Variants in XKR4 observed in about 807,000 individuals in gnomAD.
XKR4 encodes the protein XK related 4, also known as XK-related protein 4.
In XKR4, 12 loss-of-function variants were observed where a neutral mutation model predicts 53.9. The observed-to-expected ratio is 0.22, with a 90% CI of 0.14 to 0.36. XKR4 has a LOEUF of 0.36. Ranked by LOEUF, XKR4 falls within the 10% of genes least tolerant of loss-of-function variation. XKR4 has a pLI of 1.00. For synonymous variants in XKR4, 354 were observed against 362.4 expected (o/e 0.98, Z 0.26); for missense variants, 799 against 859.5 (o/e 0.93, Z 0.88).
intron 2 of XKR4, among the ~76,000 whole-genome samples, chr8:55,448,988 T>C (rs1805383145): frequency 6.6e-6 from 1 of 152,134 alleles, no homozygotes; most frequent in South Asian, 2.1e-4. Flanking sequence ...ACTCTTCCAG[T>C]AGCCCTAAAA....
intron 1 of XKR4, among the ~76,000 whole-genome samples, chr8:55,112,532 C>T (rs1237693070): frequency 7.6e-6 from 1 of 131,480 alleles, no homozygotes; most frequent in African/African-American, 2.8e-5. Flanking sequence ...ATAAAGATCT[C>T]AGTCTGGGGC....
chr8:55,352,042 G>T (rs1037081699), intron 1 of XKR4, among the ~76,000 whole-genome samples: 1 of 152,174 alleles, frequency 6.6e-6, no homozygotes, highest in East Asian at 1.9e-4. Context: ...AAAGACAAAT[G>T]ACATTCTTTC....
At chr8:55,124,505 C>T (rs1816435146) in intron 1 of XKR4, among the ~76,000 whole-genome samples, 1 of 152,146 alleles carries the variant, frequency 6.6e-6, no homozygotes, top group Non-Finnish European at 1.5e-5. Context: ...ATGGTATCTC[C>T]TCGCATTCAG....
At chr8:55,382,243 T>C (rs545388943) in intron 2 of XKR4, among the ~76,000 whole-genome samples, 1 of 152,300 alleles carries the variant, frequency 6.6e-6, no homozygotes, top group South Asian at 2.1e-4. Context: ...GGAATAGAGG[T>C]AATGAATGAA....
intron 1 of XKR4, among the ~76,000 whole-genome samples, chr8:55,346,518 G>C (rs1436902917): frequency 6.6e-6 from 1 of 152,210 alleles, no homozygotes; most frequent in Non-Finnish European, 1.5e-5. Context: ...AGAATTTTAA[G>C]TTATTGTTAC....
At chr8:55,478,809 T>C (rs1164993154) in intron 2 of XKR4, among the ~76,000 whole-genome samples, 21 of 152,044 alleles carry the variant, frequency 1.4e-4, no homozygotes, top group Non-Finnish European at 1.2e-4. Context: ...AAGAAGGCCA[T>C]TACATAATGG....
At chr8:55,228,665 G>A (rs2129366518) in intron 1 of XKR4, among the ~76,000 whole-genome samples, 1 of 152,240 alleles carries the variant, frequency 6.6e-6, no homozygotes, top group East Asian at 1.9e-4. Flanking sequence ...AATTTAATAA[G>A]ACCTTCACCC....
In XKR4 at chr8:55,344,951, CATA is replaced by C. The variant is rs759144686; in HGVS notation, c.807-12719_807-12717del. Among the ~76,000 whole-genome samples, 759 of 152,270 alleles carry C rather than the reference CATA, an allele frequency of 5.0e-3. 6 individuals are homozygous for C. The highest frequency in any genetic ancestry group is 0.017 in the African/African-American group (719 of 41,566). ...ATCCCATAGATAAATCTTGTTTTCA[CATA>C]ATAATAAAAAGGAGACCAGGTGCAG... On this transcript the variant is annotated intron_variant, in intron 1 of 2. Transcript: ENST00000327381.
chr8:55,266,220 G>A (rs1162676883), intron 1 of XKR4, among the ~76,000 whole-genome samples: 1 of 151,562 alleles, frequency 6.6e-6, no homozygotes, highest in African/African-American at 2.4e-5. Context: ...ATGGGAGCAG[G>A]TATGAGGCAA....
intron 1 of XKR4, among the ~76,000 whole-genome samples, chr8:55,238,186 G>A (rs888227843): frequency 6.6e-6 from 1 of 152,024 alleles, no homozygotes; most frequent in Non-Finnish European, 1.5e-5. Flanking sequence ...AAAGTAGATA[G>A]GCCACCCAGC....
rs1001164639 is a variant in XKR4 at position 55,462,896 on chromosome 8, A to G, written c.1007-60385A>G. Among the ~76,000 whole-genome samples the G allele has an allele frequency of 3.3e-5, 5 of 152,354 alleles. 1 individual carries two copies. In the East Asian group the frequency reaches 7.7e-4, roughly 23 times the overall value. On this transcript the variant is annotated intron_variant, in intron 2 of 2. Coordinates refer to ENST00000327381, the MANE Select transcript of XKR4 (RefSeq NM_052898.2). ...ACAAAGAAGGCCATTACATAATGGT[A>G]AAGGGATCAATTCAAAAAGAAGAAC...
At chr8:55,182,126 A>G (rs1585924077) in intron 1 of XKR4, among the ~76,000 whole-genome samples, 1 of 152,072 alleles carries the variant, frequency 6.6e-6, no homozygotes, top group Non-Finnish European at 1.5e-5. Flanking sequence ...GTTCTAGTTT[A>G]AAAATTCATT....
At chr8:55,521,100 G>A (rs939621929) in intron 2 of XKR4, 3 of 152,268 alleles carry the variant, frequency 2.0e-5, no homozygotes, top group African/African-American at 7.2e-5. Flanking sequence ...TGTGCTGAAG[G>A]AGGCCGGCGT....
chr8:55,314,302 T>C (rs929394199), intron 1 of XKR4, among the ~76,000 whole-genome samples: 1 of 152,142 alleles, frequency 6.6e-6, no homozygotes, highest in African/African-American at 2.4e-5. Flanking sequence ...CAGTGGTAAT[T>C]CAATTACATC....
chr8:55,155,906 G>A (rs927338908), intron 1 of XKR4, among the ~76,000 whole-genome samples: 1 of 152,258 alleles, frequency 6.6e-6, no homozygotes, highest in South Asian at 2.1e-4. Flanking sequence ...TCTATATTTA[G>A]CCAATTTATC....
chr8:55,306,561 G>A (rs879866257), intron 1 of XKR4, among the ~76,000 whole-genome samples: 2 of 152,156 alleles, frequency 1.3e-5, no homozygotes, highest in Admixed American at 6.5e-5. Flanking sequence ...ATGGCAGCAG[G>A]AAATAAAGAG....
At chr8:55,332,916 T>C (rs1177843267) in intron 1 of XKR4, among the ~76,000 whole-genome samples, 1 of 151,958 alleles carries the variant, frequency 6.6e-6, no homozygotes, top group Non-Finnish European at 1.5e-5. Flanking sequence ...ATTTACTTTT[T>C]TTCTTCTTTT....
intron 1 of XKR4, among the ~76,000 whole-genome samples, chr8:55,257,905 C>T (rs1247158551): frequency 6.6e-6 from 1 of 152,154 alleles, no homozygotes; most frequent in East Asian, 1.9e-4. Context: ...TCTGAGGTTG[C>T]CTTTCTGTTG....
chr8:55,378,113 G>C (rs763942367), intron 2 of XKR4, among the ~76,000 whole-genome samples: 8 of 152,088 alleles, frequency 5.3e-5, no homozygotes, highest in Non-Finnish European at 1.0e-4. Flanking sequence ...AGGAGATCTG[G>C]TCTTGTTGTT....
Sources: allele counts gnomAD v4.1 joint callset (sites outside exome capture counted in the v4.1 genomes callset), GRCh38; gene constraint gnomAD v4.1.1; transcripts MANE v1.5; gene names NCBI Gene and HGNC (gene_info 2026-07-23, HGNC 2026-07-21).